EYA3: variants seen among roughly 807,000 people sequenced by gnomAD.
The protein encoded by EYA3 is protein phosphatase EYA3.
Under a neutral mutation model 80.0 loss-of-function variants are expected in EYA3, and 39 were observed. That is an observed-to-expected ratio of 0.49 (90% confidence interval 0.38 to 0.64). The LOEUF (loss-of-function observed/expected upper bound fraction) is 0.64. Among genes scored for constraint, EYA3 ranks in the 30% least tolerant of loss-of-function variants. The pLI, the probability that EYA3 is intolerant of heterozygous loss-of-function variation, is 0.00. For missense variants in EYA3, 523 were observed against 676.1 expected, an observed-to-expected ratio of 0.77 and a Z score of 2.51; for synonymous variants, 206 against 232.8, an observed-to-expected ratio of 0.88 and a Z score of 1.05.
At chr1:27,995,248 A>C (rs1436239153) in intron 13 of EYA3, among the ~76,000 whole-genome samples, 1 of 151,432 alleles carries the variant, frequency 6.6e-6, no homozygotes, top group Non-Finnish European at 1.5e-5. Flanking sequence ...TCTAAAAAAA[A>C]AAAAAATGGA....
chr1:28,009,398 T>G lies in EYA3; in HGVS notation c.909+1549A>C, dbSNP rs1195181433. ...AGGGCATGGTGGCTCACGTCTGTAA[T>G]CCCAGCACTATGGGAGGCCGAGGCA... On this transcript the variant is annotated intron_variant, in intron 10 of 17. Coordinates refer to ENST00000373871, the MANE Select transcript of EYA3 (RefSeq NM_001990.4). The surrounding 1 kb of genome is among the most constrained non-coding windows in gnomAD (Gnocchi z 4.8). 6.6e-6 allele frequency among the ~76,000 whole-genome samples: 1 copy of G among 152,150 alleles called. No individual in the cohort carries two copies. The highest frequency in any genetic ancestry group is 2.4e-5 in the African/African-American group (1 of 41,426).
At chr1:28,073,128 T>TATATATATATATATATATATATATA (rs58073802) in intron 1 of EYA3, among the ~76,000 whole-genome samples, 3 of 29,230 alleles carry the variant, frequency 1.0e-4, no homozygotes, top group Admixed American at 2.9e-4. Context: ...TATATATATA[T>TATATATATATATATATATATATATA]TTTTTTTTTT....
chr1:27,994,546 G>T (rs1640297096), intron 13 of EYA3, among the ~76,000 whole-genome samples: 1 of 152,168 alleles, frequency 6.6e-6, no homozygotes, highest in Admixed American at 6.5e-5. Context: ...AATTAGCTGG[G>T]TGTGGTGGCG....
chr1:27,983,651 T>C (rs1639457141), intron 16 of EYA3, among the ~76,000 whole-genome samples: 1 of 152,220 alleles, frequency 6.6e-6, no homozygotes, highest in Admixed American at 6.5e-5. Flanking sequence ...GAATTCTTTA[T>C]AGATTCTGCA....
intron 2 of EYA3, among the ~76,000 whole-genome samples, chr1:28,053,152 T>TAA: frequency 8.6e-5 from 1 of 11,576 alleles, no homozygotes; most frequent in Non-Finnish European, 1.5e-4. Flanking sequence ...AGACCCCGTC[T>TAA]CAAAAAAAAA....
Position 28,083,519 on chromosome 1 carries a change from C to CA in EYA3, c.-69+5004dup, listed in dbSNP as rs552146721. 1.3e-3 allele frequency among the ~76,000 whole-genome samples: 167 copies of CA among 127,700 alleles called. 1 individual carries two copies. The highest frequency in any genetic ancestry group is 4.2e-3 in the Middle Eastern group (1 of 236). The allele number at this position is 127,700 out of a possible 152,430, so 83.8% of individuals were successfully genotyped here. On this transcript the variant is annotated intron_variant, in intron 1 of 17. Coordinates refer to ENST00000373871, the MANE Select transcript of EYA3 (RefSeq NM_001990.4). ...TGGGCGACAGGGCAAGACTCCGTCT[C>CA]AAAAAAAAAAAAGAATAGTACCCTT... is the stretch of plus-strand genomic sequence containing the variant.
chr1:27,995,896 G>A (rs1384212083), intron 13 of EYA3, among the ~76,000 whole-genome samples: 6 of 152,024 alleles, frequency 3.9e-5, no homozygotes, highest in South Asian at 2.1e-4. Flanking sequence ...TTTTTAAGAC[G>A]GAGTCTCACT....
chr1:28,002,338 C>T (rs904770993), intron 11 of EYA3, among the ~76,000 whole-genome samples: 2 of 151,948 alleles, frequency 1.3e-5, no homozygotes, highest in Non-Finnish European at 2.9e-5. Flanking sequence ...CGTGAGCCAC[C>T]ATGCCTGGCC....
intron 9 of EYA3, among the ~76,000 whole-genome samples, chr1:28,012,865 G>A (rs1447953037): frequency 6.6e-6 from 1 of 152,138 alleles, no homozygotes; most frequent in Non-Finnish European, 1.5e-5. Flanking sequence ...GCTACAGGGA[G>A]GGTAGAGTAC....
intron 3 of EYA3, among the ~76,000 whole-genome samples, chr1:28,046,338 C>T (rs560567205): frequency 2.0e-5 from 3 of 152,220 alleles, no homozygotes; most frequent in South Asian, 4.1e-4. Flanking sequence ...TTCTTTCAAA[C>T]AACTGGAGAG....
intron 1 of EYA3, among the ~76,000 whole-genome samples, chr1:28,086,955 C>T (rs920113420): frequency 3.9e-5 from 6 of 152,214 alleles, no homozygotes; most frequent in Admixed American, 3.9e-4. Context: ...TGGAATAAGC[C>T]AAGGACTATA....
chr1:28,066,177 G>A (rs1267494787), intron 1 of EYA3, among the ~76,000 whole-genome samples: 1 of 152,128 alleles, frequency 6.6e-6, no homozygotes, highest in African/African-American at 2.4e-5. Flanking sequence ...AGAGCAAAAT[G>A]GAGAGAGACT....
chr1:28,069,799 A>C (rs1644960319), intron 1 of EYA3, among the ~76,000 whole-genome samples: 1 of 152,220 alleles, frequency 6.6e-6, no homozygotes, highest in Admixed American at 6.5e-5. Context: ...CAGTCTTTGC[A>C]TATGTTATTA....
intron 3 of EYA3, among the ~76,000 whole-genome samples, chr1:28,044,023 A>G (rs1180979707): frequency 6.6e-6 from 1 of 152,204 alleles, no homozygotes; most frequent in African/African-American, 2.4e-5. Context: ...TTAACTTATA[A>G]GGAAAATTAA....
At chr1:28,064,713 C>A (rs1644768734) in intron 1 of EYA3, among the ~76,000 whole-genome samples, 1 of 151,930 alleles carries the variant, frequency 6.6e-6, no homozygotes, top group South Asian at 2.1e-4. Flanking sequence ...GTCTCAAACT[C>A]CTGGGCTCAA....
chr1:27,999,752 A>T (rs1352006643), intron 12 of EYA3, among the ~76,000 whole-genome samples: 1 of 152,194 alleles, frequency 6.6e-6, no homozygotes, highest in South Asian at 2.1e-4. Flanking sequence ...TTTTTGAGCC[A>T]ATAAAATTGA....
At chr1:28,006,969 G>A (rs183239630) in intron 10 of EYA3, among the ~76,000 whole-genome samples, 1 of 128,636 alleles carries the variant, frequency 7.8e-6, no homozygotes, top group Non-Finnish European at 1.6e-5. Flanking sequence ...GAGAAAGAGT[G>A]TCGCTCTGTC....
chr1:27,977,159 G>A (rs888196236), intron 17 of EYA3: 48 of 1,433,994 alleles, frequency 3.3e-5, no homozygotes, highest in Non-Finnish European at 4.3e-5. Context: ...TTCCCAAAGA[G>A]GGCAACAAGA....
chr1:27,974,762 C>G (rs773258802), intron 17 of EYA3, among the ~76,000 whole-genome samples: 13 of 152,174 alleles, frequency 8.5e-5, no homozygotes, highest in Non-Finnish European at 1.8e-4. Flanking sequence ...AAATAGGTTT[C>G]AGTGGTACTT....
Sources: gnomAD v4.1 joint callset for allele counts (sites outside exome capture counted in the v4.1 genomes callset) on GRCh38, gnomAD v4.1.1 for gene constraint, Gnocchi (gnomAD v3.1) non-coding constraint, MANE v1.5 for transcripts, NCBI Gene and HGNC (gene_info 2026-07-23, HGNC 2026-07-21) for gene names.